BBS9: variants seen among roughly 807,000 people sequenced by gnomAD.
BBS9 encodes protein PTHB1.
BBS9 carries 89 observed loss-of-function variants against 117.7 expected under a neutral mutation model. The ratio of observed to expected loss-of-function variants is 0.76; its 90% CI spans 0.64 to 0.90. The LOEUF (loss-of-function observed/expected upper bound fraction) is 0.90. Among genes scored for constraint, BBS9 ranks in the 40% least tolerant of loss-of-function variants. BBS9 has a pLI of 0.00. For missense variants in BBS9, 982 were observed against 1,042.2 expected, an observed-to-expected ratio of 0.94 and a Z score of 0.80; for synonymous variants, 379 against 370.9, an observed-to-expected ratio of 1.02 and a Z score of -0.25.
chr7:33,310,059 C>T (rs1356030729), intron 9 of BBS9, among the ~76,000 whole-genome samples: 1 of 152,214 alleles, frequency 6.6e-6, no homozygotes, highest in Non-Finnish European at 1.5e-5. Context: ...TTTCCAGTGT[C>T]TGCTGGGTAT....
At chr7:33,491,462 A>G (rs911997987) in intron 19 of BBS9, among the ~76,000 whole-genome samples, 3 of 152,194 alleles carry the variant, frequency 2.0e-5, no homozygotes, top group Non-Finnish European at 4.4e-5. Flanking sequence ...TACTAGCTCT[A>G]CTTCTAAGAG....
chr7:33,323,310 T>C (rs1489801449), intron 9 of BBS9, among the ~76,000 whole-genome samples: 1 of 152,176 alleles, frequency 6.6e-6, no homozygotes, highest in Non-Finnish European at 1.5e-5. Flanking sequence ...GAAAGATCTG[T>C]TCAATATTGA....
At chr7:33,165,171 G>T (rs967602082) in intron 4 of BBS9, among the ~76,000 whole-genome samples, 6 of 152,124 alleles carry the variant, frequency 3.9e-5, no homozygotes, top group African/African-American at 1.4e-4. Context: ...CTCTCTTCTG[G>T]CTTGTAGAGT....
At chr7:33,220,867 A>G (rs1231286706) in intron 5 of BBS9, among the ~76,000 whole-genome samples, 1 of 152,250 alleles carries the variant, frequency 6.6e-6, no homozygotes, top group Non-Finnish European at 1.5e-5. Context: ...TCACTTGGCT[A>G]AGGATAAGGA....
chr7:33,483,880 C>G (rs1297939501), intron 19 of BBS9, among the ~76,000 whole-genome samples: 1 of 152,144 alleles, frequency 6.6e-6, no homozygotes, highest in Non-Finnish European at 1.5e-5. Flanking sequence ...TCAAGTGATT[C>G]TCCTACCTTT....
intron 19 of BBS9, among the ~76,000 whole-genome samples, chr7:33,414,525 C>T (rs1192044941): frequency 1.3e-5 from 2 of 152,110 alleles, no homozygotes; most frequent in African/African-American, 4.8e-5. Flanking sequence ...TGTATACATG[C>T]ATGCATTATT....
chr7:33,189,015 T>A (rs1453471643), intron 5 of BBS9, among the ~76,000 whole-genome samples: 2 of 152,094 alleles, frequency 1.3e-5, no homozygotes, highest in African/African-American at 2.4e-5. Flanking sequence ...TTTTTACTTT[T>A]ATTTTATTTT....
At chr7:33,189,085 A>G (rs1179229926) in intron 5 of BBS9, among the ~76,000 whole-genome samples, 2 of 152,062 alleles carry the variant, frequency 1.3e-5, no homozygotes, top group African/African-American at 2.4e-5. Context: ...CGGTGGTACG[A>G]TCTCAGCTTA....
At chr7:33,243,251 GAGCTC>G (rs1484056833) in intron 5 of BBS9, among the ~76,000 whole-genome samples, 1 of 152,080 alleles carries the variant, frequency 6.6e-6, no homozygotes, top group Non-Finnish European at 1.5e-5. Context: ...TATGACATTG[GAGCTC>G]AGTTAACTTT....
intron 21 of BBS9, among the ~76,000 whole-genome samples, chr7:33,602,518 T>A (rs1863954795): frequency 6.6e-6 from 1 of 151,960 alleles, no homozygotes; most frequent in Non-Finnish European, 1.5e-5. Context: ...CATCTGAGGT[T>A]GGAAGTTCGA....
At chr7:33,276,404 T>C (rs896172233) in intron 9 of BBS9, among the ~76,000 whole-genome samples, 1 of 152,158 alleles carries the variant, frequency 6.6e-6, no homozygotes, top group Non-Finnish European at 1.5e-5. Flanking sequence ...TGATCATAAG[T>C]ACAGAACACC....
intron 21 of BBS9, among the ~76,000 whole-genome samples, chr7:33,601,234 G>A (rs1863748467): frequency 6.6e-6 from 1 of 152,088 alleles, no homozygotes; most frequent in Admixed American, 6.5e-5. Context: ...GAGGCGAGAC[G>A]CTTGCCTGAT....
chr7:33,223,464 C>G (rs538671433), intron 5 of BBS9, among the ~76,000 whole-genome samples: 14 of 152,280 alleles, frequency 9.2e-5, no homozygotes, highest in Non-Finnish European at 1.8e-4. Context: ...CACCCTTCTG[C>G]CTATGCACAA....
chr7:33,554,329 G>A (rs1418659264), intron 21 of BBS9, among the ~76,000 whole-genome samples: 1 of 152,146 alleles, frequency 6.6e-6, no homozygotes, highest in East Asian at 1.9e-4. Flanking sequence ...GAAAACAGCT[G>A]GAATGGAAAC....
At chr7:33,376,653 C>T (rs367634426) in intron 17 of BBS9, among the ~76,000 whole-genome samples, 3 of 152,308 alleles carry the variant, frequency 2.0e-5, no homozygotes, top group East Asian at 3.9e-4. Flanking sequence ...AATTTACACC[C>T]CCACCAGCAG....
At chr7:33,354,713 C>T (rs1003356080) in intron 15 of BBS9, among the ~76,000 whole-genome samples, 2 of 151,808 alleles carry the variant, frequency 1.3e-5, no homozygotes, top group African/African-American at 2.4e-5. Context: ...TCCAATTTGA[C>T]AGTGATACTG....
intron 19 of BBS9, among the ~76,000 whole-genome samples, chr7:33,498,557 C>T (rs1845045043): frequency 6.6e-6 from 1 of 152,048 alleles, no homozygotes; most frequent in Admixed American, 6.6e-5. Context: ...AATCTACTTT[C>T]TGTGTTTATA....
intron 19 of BBS9, among the ~76,000 whole-genome samples, chr7:33,486,472 A>T (rs919239701): frequency 7.9e-5 from 12 of 152,272 alleles, no homozygotes; most frequent in Admixed American, 5.2e-4. Context: ...GCACTTAAGT[A>T]GTTGCTAAAC....
At chr7:33,345,897 G>A (rs1817507332) in intron 12 of BBS9, among the ~76,000 whole-genome samples, 1 of 152,128 alleles carries the variant, frequency 6.6e-6, no homozygotes, top group Non-Finnish European at 1.5e-5. Context: ...TGTACCCCCA[G>A]CCAACCAGGA....
Sources: gnomAD v4.1 joint callset for allele counts (sites outside exome capture counted in the v4.1 genomes callset) on GRCh38, gnomAD v4.1.1 for gene constraint, MANE v1.5 for transcripts, NCBI Gene and HGNC (gene_info 2026-07-23, HGNC 2026-07-21) for gene names.